The following KNL1 variants were observed in gnomAD, a reference collection of about 807,000 sequenced individuals.
KNL1 encodes the protein kinetochore scaffold 1, also known as outer kinetochore KNL1 complex subunit KNL1.
KNL1 carries 66 observed loss-of-function variants against 201.3 expected under a neutral mutation model. That is an observed-to-expected ratio of 0.33 (90% confidence interval 0.27 to 0.40). The LOEUF (loss-of-function observed/expected upper bound fraction) is 0.40. Ranked by LOEUF, KNL1 falls within the 10% of genes least tolerant of loss-of-function variation. KNL1 has a pLI of 1.00. For missense variants in KNL1, 2,815 were observed against 2,690.5 expected, an observed-to-expected ratio of 1.05 and a Z score of -1.02; for synonymous variants, 895 against 899.2, an observed-to-expected ratio of 1.00 and a Z score of 0.08.
At chr15:40,646,296 A>C (rs1893381405) in intron 16 of KNL1, among the ~76,000 whole-genome samples, 1 of 152,142 alleles carries the variant, frequency 6.6e-6, no homozygotes, top group African/African-American at 2.4e-5. Context: ...TCCTATGTTT[A>C]GTTTATCATA....
rs767076546 is a variant in KNL1, at chr15:40,624,562, A to G, written c.4298A>G (p.Tyr1433Cys). Residue 1433 changes from tyrosine (Y) to cysteine (C), a missense_variant, in exon 10 of 26, where the codon TAT (tyrosine) becomes TGT (cysteine). This residue lies in a region of KNL1 where 2,464 missense variants were observed against 2,291.7 expected (regional missense o/e 1.08). Coordinates refer to ENST00000399668, the MANE Select transcript of KNL1 (RefSeq NM_144508.5). ...FKLPKDQMKV[Y>C]VDDIYVIPQP... is the part of the protein sequence containing the mutation. ...CTTCCAAAGGATCAAATGAAAGTCT[A>G]TGTTGATGACATTTATGTTATTCCT... The G allele has an allele frequency of 7.4e-6, 12 of 1,613,960 alleles. No homozygotes were observed. The highest frequency in any genetic ancestry group is 2.2e-5 in the South Asian group (2 of 91,084).
rs147182204 is a variant in KNL1, at chr15:40,613,276, C to A, written c.284+1765C>A. Among the ~76,000 whole-genome samples, 93 of 151,996 alleles carry A rather than the reference C, an allele frequency of 6.1e-4. 1 individual carries two copies. Among genetic ancestry groups the A allele is most frequent in the Middle Eastern group, 6.8e-3 (2 of 294 alleles). On this transcript the variant is annotated intron_variant, in intron 7 of 25. Coordinates refer to ENST00000399668, the MANE Select transcript of KNL1 (RefSeq NM_144508.5). ...GCGTGTGTGTGTGTGTGTATCTTCT[C>A]GTGTGTGTACATGTATAATGTATGT...
intron 5 of KNL1, among the ~76,000 whole-genome samples, chr15:40,609,691 A>G (rs1892093370): frequency 6.6e-6 from 1 of 152,190 alleles, no homozygotes; most frequent in Non-Finnish European, 1.5e-5. Flanking sequence ...CCCAGGCCCT[A>G]GTATGATACC....
At position 40,650,547 on chromosome 15, in the gene KNL1, T is replaced by G. The variant is rs1893524598; in HGVS notation, c.6176T>G (p.Leu2059Trp). 3 of 1,559,950 alleles carry G rather than the reference T, an allele frequency of 1.9e-6. No homozygotes were observed. Among genetic ancestry groups the G allele is most frequent in the African/African-American group, 2.8e-5 (2 of 71,812 alleles). The change falls in exon 19 of 26, where the codon TTG (leucine) becomes TGG (tryptophan). Residue 2059 changes from leucine (L) to tryptophan (W), a missense_variant. Around this residue, in one of 3 missense-constraint regions of KNL1, gnomAD observed 334 missense variants for 362.6 expected, o/e 0.92. Coordinates refer to ENST00000399668, the MANE Select transcript of KNL1 (RefSeq NM_144508.5). ...TTTTTTTTTTCTGTTTCCAAAGAAT[T>G]GGAACAGCTGAAAACTGAAGAAGAG... Reference protein sequence around the residue: ...DSEMRAAEKELEQLKTEEEEL... With the variant: ...DSEMRAAEKEWEQLKTEEEEL...
intron 9 of KNL1, among the ~76,000 whole-genome samples, chr15:40,619,238 A>G (rs921343629): frequency 1.3e-5 from 2 of 152,064 alleles, no homozygotes; most frequent in Non-Finnish European, 1.5e-5. Context: ...TAAAGAGCAC[A>G]TGAGTCTTTA....
At chr15:40,644,701 C>T (rs1417860414) in intron 14 of KNL1, among the ~76,000 whole-genome samples, 1 of 152,204 alleles carries the variant, frequency 6.6e-6, no homozygotes, top group Non-Finnish European at 1.5e-5. Context: ...TGACTTTTAC[C>T]AAGTATACTG....
rs972062492 is a variant in KNL1 at position 40,624,136 on chromosome 15, A to G, written c.3872A>G (p.His1291Arg). The change falls in exon 10 of 26, where the codon CAT (histidine) becomes CGT (arginine). Residue 1291 changes from histidine to arginine, a missense_variant. Around this residue, in one of 3 missense-constraint regions of KNL1, gnomAD observed 2,464 missense variants for 2,291.7 expected, o/e 1.08. Transcript: ENST00000399668. ...DRRNVDFTSS[H>R]ATAVCGSSDN... ...AGAAATGTGGACTTTACAAGTAGTC[A>G]TGCAACTGCTGTTTGTGGATCCAGT... 6.8e-6 allele frequency: 11 copies of G among 1,613,946 alleles called. No homozygotes were observed. Among genetic ancestry groups the G allele is most frequent in the African/African-American group, 2.7e-5 (2 of 74,942 alleles).
rs770135256 is a variant in KNL1 at position 40,620,721 on chromosome 15, C to G, written c.457C>G (p.Leu153Val). ...VIFSDENQMD[L>V]TSSHTVMITK... ...TTTTTCAGATGAAAACCAGATGGAC[C>G]TGACATCAAGTCACACTGTAATGAT... Residue 153 changes from leucine (L) to valine (V), a missense_variant, in exon 10 of 26, where the codon CTG (leucine) becomes GTG (valine). By Grantham distance (32) the Leu-to-Val change is conservative (BLOSUM62 1). Coordinates refer to ENST00000399668, the MANE Select transcript of KNL1 (RefSeq NM_144508.5). 1 of 1,609,510 alleles carries G rather than the reference C, an allele frequency of 6.2e-7. No homozygotes were observed. Among genetic ancestry groups the G allele is most frequent in the South Asian group, 1.1e-5 (1 of 90,428 alleles).
chr15:40,599,252 G>T (rs1406281736), intron 1 of KNL1, among the ~76,000 whole-genome samples: 1 of 149,750 alleles, frequency 6.7e-6, no homozygotes, highest in East Asian at 2.0e-4. Context: ...GGCAGAGGTT[G>T]CAGTGAGCCA....
rs771113110 is a variant in KNL1, at chr15:40,645,082, A to G, written c.5884A>G (p.Lys1962Glu). Reference sequence around the variant, plus strand: ...GGAAAAAATGAGACACTGCTCTGACAAAGAGGTACTTTTGTCTCATTTTCT... The same window carrying G: ...GGAAAAAATGAGACACTGCTCTGACGAAGAGGTACTTTTGTCTCATTTTCT... Reference protein sequence around the residue: ...LWEKMRHCSDKELKAFGIYLN... With the variant: ...LWEKMRHCSDEELKAFGIYLN... The change falls in exon 15 of 26, where the codon AAA becomes GAA. Residue 1962 changes from lysine to glutamate, a missense_variant. Lys to Glu is a moderately conservative substitution (Grantham distance 56). Coordinates refer to ENST00000399668, the MANE Select transcript of KNL1 (RefSeq NM_144508.5). 1.2e-6 allele frequency: 2 copies of G among 1,601,372 alleles called. No homozygotes were observed. The highest frequency in any genetic ancestry group is 1.7e-6 in the Non-Finnish European group (2 of 1,170,220).
At chr15:40,609,434 C>T (rs1892086442) in intron 5 of KNL1, among the ~76,000 whole-genome samples, 1 of 151,752 alleles carries the variant, frequency 6.6e-6, no homozygotes, top group Non-Finnish European at 1.5e-5. Context: ...AAAAGAATAG[C>T]TTCTATATAG....
At chr15:40,645,915 T>G (rs1188789161) in intron 16 of KNL1, 143 bp downstream of exon 16, 1 of 486,720 alleles carries the variant, frequency 2.1e-6, no homozygotes, top group Non-Finnish European at 3.6e-6. Context: ...AAGGTTCAAT[T>G]TGTCAAAAGT....
chr15:40,609,644 G>A (rs934636728), intron 5 of KNL1, among the ~76,000 whole-genome samples: 2 of 152,126 alleles, frequency 1.3e-5, no homozygotes, highest in East Asian at 1.9e-4. Flanking sequence ...TCTATTTATA[G>A]TGGAAGCTCC....
At chr15:40,612,423 C>T (rs981441570) in intron 7 of KNL1, among the ~76,000 whole-genome samples, 6 of 146,134 alleles carry the variant, frequency 4.1e-5, no homozygotes, top group Admixed American at 6.8e-5. Context: ...ACCCGGGAGG[C>T]GGAGGTTGCA....
chr15:40,601,708 C>G (rs908112627), intron 1 of KNL1, among the ~76,000 whole-genome samples: 1 of 150,914 alleles, frequency 6.6e-6, no homozygotes, highest in Non-Finnish European at 1.5e-5. Flanking sequence ...GTAGTCCCAG[C>G]TACTCGGGAG....
intron 13 of KNL1, among the ~76,000 whole-genome samples, chr15:40,639,678 G>A (rs1318907956): frequency 1.3e-5 from 2 of 151,978 alleles, no homozygotes; most frequent in Non-Finnish European, 2.9e-5. Context: ...GCAGGCTGAG[G>A]TTGGGGGACT....
chr15:40,634,921 T>G (rs1595935085), intron 13 of KNL1, among the ~76,000 whole-genome samples: 1 of 151,940 alleles, frequency 6.6e-6, no homozygotes, highest in Non-Finnish European at 1.5e-5. Context: ...AACAAACCTA[T>G]CAAAATGGAA....
In KNL1 at chr15:40,624,400, T is replaced by C. The variant is rs761024730; in HGVS notation, c.4136T>C (p.Leu1379Ser). Residue 1379 changes from leucine to serine, a missense_variant, in exon 10 of 26, where the codon TTA becomes TCA. Leu to Ser is a moderately radical substitution (Grantham distance 145). Coordinates refer to ENST00000399668, the MANE Select transcript of KNL1 (RefSeq NM_144508.5). ...ATTCAAACCAGTACCAAAGGACAGT[T>C]AGACTGTGTTATAACACTGCACAAA... is the stretch of plus-strand genomic sequence containing the variant. ...EVIQTSTKGQ[L>S]DCVITLHKDQ... is the part of the protein sequence containing the mutation. 3.7e-6 allele frequency: 6 copies of C among 1,614,020 alleles called. No individual in the cohort carries two copies. Among genetic ancestry groups the C allele is most frequent in the Non-Finnish European group, 5.1e-6 (6 of 1,179,910 alleles).
Position 40,621,019 on chromosome 15 carries a change from C to T in KNL1, c.755C>T (p.Ser252Phe). ...PIYSKEPNSA[S>F]STHQMHVSLK... ...TATTCCAAGGAACCGAACAGTGCCT[C>T]TTCTACACATCAAATGCATGTATCT... is the stretch of plus-strand genomic sequence containing the variant. The change falls in exon 10 of 26, where the codon TCT (serine) becomes TTT (phenylalanine). Residue 252 changes from serine (S) to phenylalanine (F), a missense_variant. This residue lies in a region of KNL1 where 2,464 missense variants were observed against 2,291.7 expected (regional missense o/e 1.08). Coordinates refer to ENST00000399668, the MANE Select transcript of KNL1 (RefSeq NM_144508.5). 6.2e-7 allele frequency: 1 copy of T among 1,606,996 alleles called. No homozygotes were observed. The highest frequency in any genetic ancestry group is 8.5e-7 in the Non-Finnish European group (1 of 1,177,160).
Sources: gnomAD v4.1 joint callset for allele counts (sites outside exome capture counted in the v4.1 genomes callset) on GRCh38, gnomAD v4.1.1 for gene constraint, gnomAD v4.1.1 regional missense constraint, MANE v1.5 for transcripts, NCBI Gene and HGNC (gene_info 2026-07-23, HGNC 2026-07-21) for gene names.